FNDC3B: variants seen among roughly 807,000 people sequenced by gnomAD.
FNDC3B encodes the protein fibronectin type III domain-containing protein 3B.
In FNDC3B, 12 loss-of-function variants were observed where a neutral mutation model predicts 151.5. The observed-to-expected ratio is 0.08, with a 90% CI of 0.05 to 0.13. The LOEUF (loss-of-function observed/expected upper bound fraction) is 0.13. Ranked by LOEUF, FNDC3B falls within the 10% of genes least tolerant of loss-of-function variation. The probability of loss-of-function intolerance (pLI) is 1.00; values close to 1 mark genes in which losing one functional copy is unlikely to be tolerated. For missense variants in FNDC3B, 1,214 were observed against 1,505.3 expected (o/e 0.81, Z 3.20); for synonymous variants, 528 against 549.0 (o/e 0.96, Z 0.54).
intron 5 of FNDC3B, among the ~76,000 whole-genome samples, chr3:172,249,629 A>G (rs1477682000): frequency 6.6e-6 from 1 of 152,208 alleles, no homozygotes; most frequent in African/African-American, 2.4e-5. Flanking sequence ...ATTACTGCCC[A>G]TAGTGAATAT....
At chr3:172,395,107 A>C (rs1200108464) in intron 25 of FNDC3B, among the ~76,000 whole-genome samples, 1 of 152,166 alleles carries the variant, frequency 6.6e-6, no homozygotes, top group African/African-American at 2.4e-5. Context: ...CTGTGCACTA[A>C]CTTCATGCCA....
intron 3 of FNDC3B, among the ~76,000 whole-genome samples, chr3:172,162,814 T>C (rs1242811757): frequency 6.6e-6 from 1 of 152,212 alleles, no homozygotes; most frequent in Non-Finnish European, 1.5e-5. Context: ...TGAAATTCTG[T>C]GCTAGGACCA....
At chr3:172,376,756 G>A (rs1036508989) in intron 23 of FNDC3B, among the ~76,000 whole-genome samples, 1 of 151,406 alleles carries the variant, frequency 6.6e-6, no homozygotes, top group African/African-American at 2.4e-5. Context: ...CACTAAATAG[G>A]TGAAATGACC....
intron 1 of FNDC3B, among the ~76,000 whole-genome samples, chr3:172,041,690 C>T (rs1254185871): frequency 1.3e-5 from 2 of 152,098 alleles, no homozygotes; most frequent in Non-Finnish European, 2.9e-5. Flanking sequence ...GCCGGAGTTG[C>T]TCCTCCACCC....
At chr3:172,195,252 G>T (rs1724764157) in intron 3 of FNDC3B, among the ~76,000 whole-genome samples, 2 of 152,066 alleles carry the variant, frequency 1.3e-5, no homozygotes, top group African/African-American at 4.8e-5. Context: ...ATTCTTGGCA[G>T]GGTATTTGCA....
chr3:172,156,056 C>T (rs188822528), intron 3 of FNDC3B, among the ~76,000 whole-genome samples: 3 of 152,142 alleles, frequency 2.0e-5, no homozygotes, highest in Non-Finnish European at 4.4e-5. Context: ...AATACAACTG[C>T]GAGTAGGAGG....
Position 172,401,188 on chromosome 3 carries a change from G to T in FNDC3B, c.*3713G>T. On this transcript the variant is annotated 3_prime_UTR_variant, in exon 26 of 26. Coordinates refer to ENST00000415807, the MANE Select transcript of FNDC3B (RefSeq NM_022763.4). ...CCGCCTCGGCCTCCCAAAGTGCTGG[G>T]ATTACAGGTGTGAGCCCCCGCACCC... 6.6e-6 allele frequency: 1 copy of T among 152,506 alleles called. No individual in the cohort carries two copies. Among genetic ancestry groups the T allele is most frequent in the Non-Finnish European group, 1.5e-5 (1 of 68,220 alleles). The allele number at this position is 152,506 out of a possible 1,614,324, so 9.4% of individuals were successfully genotyped here. A position where few individuals can be genotyped will look rare whatever the true frequency, so the allele number is the denominator to read the frequency against.
intron 6 of FNDC3B, 68 bp downstream of exon 6, chr3:172,251,609 A>G (rs1728085207): frequency 4.3e-6 from 6 of 1,400,208 alleles, no homozygotes; most frequent in East Asian, 2.3e-5. Flanking sequence ...ATGTTTCCAC[A>G]TCTTTTACAT....
At chr3:172,203,928 C>T (rs1244987574) in intron 3 of FNDC3B, among the ~76,000 whole-genome samples, 1 of 152,182 alleles carries the variant, frequency 6.6e-6, no homozygotes, top group East Asian at 1.9e-4. Flanking sequence ...TGAATTGTGA[C>T]TGTCAGACAA....
intron 5 of FNDC3B, among the ~76,000 whole-genome samples, chr3:172,249,658 T>A (rs1317266874): frequency 6.6e-6 from 1 of 152,248 alleles, no homozygotes; most frequent in African/African-American, 2.4e-5. Context: ...TCATGTGTAA[T>A]ACATCGTGGT....
chr3:172,188,056 C>T (rs949967101), intron 3 of FNDC3B, among the ~76,000 whole-genome samples: 5 of 145,482 alleles, frequency 3.4e-5, no homozygotes, highest in Non-Finnish European at 3.0e-5. Context: ...AGTGCAATGG[C>T]GCGATCTCGG....
chr3:172,390,256 TAAC>T (rs1735938202), intron 25 of FNDC3B, among the ~76,000 whole-genome samples: 1 of 152,188 alleles, frequency 6.6e-6, no homozygotes, highest in African/African-American at 2.4e-5. Flanking sequence ...CCAATTAAAA[TAAC>T]AAGAATAGCT....
chr3:172,336,586 C>T (rs1396762933), intron 15 of FNDC3B, among the ~76,000 whole-genome samples: 1 of 152,176 alleles, frequency 6.6e-6, no homozygotes, highest in Non-Finnish European at 1.5e-5. Flanking sequence ...ACTTCTCTTT[C>T]CGTTCCTTTC....
chr3:172,174,702 G>A (rs748114931), intron 3 of FNDC3B, among the ~76,000 whole-genome samples: 3 of 152,060 alleles, frequency 2.0e-5, no homozygotes, highest in East Asian at 1.9e-4. Flanking sequence ...TTGGGAGGGC[G>A]ACAGCAAAGG....
At chr3:172,392,977 A>G (rs1282640785) in intron 25 of FNDC3B, among the ~76,000 whole-genome samples, 2 of 151,040 alleles carry the variant, frequency 1.3e-5, no homozygotes, top group African/African-American at 2.4e-5. Flanking sequence ...TAATTTTTGT[A>G]TTTTTAGTAG....
intron 20 of FNDC3B, 92 bp downstream of exon 20, chr3:172,346,532 G>T: frequency 6.1e-6 from 4 of 653,332 alleles, no homozygotes; most frequent in South Asian, 5.8e-5. Context: ...AATCCAAAAT[G>T]CACATATAGA....
At chr3:172,200,455 GC>G (rs1426743136) in intron 3 of FNDC3B, among the ~76,000 whole-genome samples, 2 of 152,140 alleles carry the variant, frequency 1.3e-5, no homozygotes, top group African/African-American at 2.4e-5. Context: ...TATGCATTTG[GC>G]AAAAACCATA....
At chr3:172,379,613 G>A (rs1018182186) in intron 24 of FNDC3B, among the ~76,000 whole-genome samples, 11 of 151,176 alleles carry the variant, frequency 7.3e-5, no homozygotes, top group Admixed American at 3.3e-4. Context: ...ACACATGCAC[G>A]GCCTTGTCAG....
intron 18 of FNDC3B, among the ~76,000 whole-genome samples, chr3:172,343,668 A>G (rs1733454605): frequency 6.6e-6 from 1 of 152,206 alleles, no homozygotes; most frequent in South Asian, 2.1e-4. Context: ...TCTCTAGCAG[A>G]CTATTTTTTC....
Sources: gnomAD v4.1 joint callset for allele counts (sites outside exome capture counted in the v4.1 genomes callset) on GRCh38, gnomAD v4.1.1 for gene constraint, MANE v1.5 for transcripts, NCBI Gene and HGNC (gene_info 2026-07-23, HGNC 2026-07-21) for gene names.